The following PHLDB3 variants were observed in gnomAD, a reference collection of about 807,000 sequenced individuals.
The protein encoded by PHLDB3 is pleckstrin homology-like domain family B member 3.
In PHLDB3, 86 loss-of-function variants were observed where a neutral mutation model predicts 85.7. That is an observed-to-expected ratio of 1.00 (90% CI 0.84 to 1.20). The LOEUF (loss-of-function observed/expected upper bound fraction) is 1.20, where lower values mean the gene tolerates loss of function less well. PHLDB3 is among the 50% of genes most tolerant of loss of function. The pLI, the probability that PHLDB3 is intolerant of heterozygous loss-of-function variation, is 0.00. For synonymous variants in PHLDB3, 376 were observed against 349.8 expected (o/e 1.07, Z -0.83); for missense variants, 995 against 873.0 (o/e 1.14, Z -1.76).
chr19:43,479,286 T>G, intron 14 of PHLDB3, 91 bp downstream of exon 14: 2 of 1,315,314 alleles, frequency 1.5e-6, no homozygotes, highest in South Asian at 1.3e-5. Context: ...ACATGGAAAG[T>G]GGGGGCCAGG....
At chr19:43,498,980 G>T (rs995457712) in intron 4 of PHLDB3, among the ~76,000 whole-genome samples, 2 of 152,106 alleles carry the variant, frequency 1.3e-5, no homozygotes, top group African/African-American at 2.4e-5. Context: ...CTCACGGGGG[G>T]TTTGGTCAAC....
intron 13 of PHLDB3, among the ~76,000 whole-genome samples, chr19:43,480,646 T>A (rs574572149): frequency 1.6e-4 from 25 of 152,290 alleles, no homozygotes; most frequent in Admixed American, 1.6e-3. Flanking sequence ...TGTGATGAAA[T>A]TAATGAATAT....
chr19:43,475,625 T>C (rs1970912236), intron 15 of PHLDB3, 81 bp from the exon 16 acceptor site: 5 of 1,565,202 alleles, frequency 3.2e-6, no homozygotes, highest in Non-Finnish European at 3.5e-6. Flanking sequence ...TTGCTACTTA[T>C]AGTCTGTGTG....
At chr19:43,483,558 C>T (rs1019362150) in intron 13 of PHLDB3, among the ~76,000 whole-genome samples, 2 of 152,090 alleles carry the variant, frequency 1.3e-5, no homozygotes, top group African/African-American at 2.4e-5. Context: ...AGATTATAGG[C>T]GTGAGCTATG....
intron 13 of PHLDB3, among the ~76,000 whole-genome samples, chr19:43,483,096 G>A (rs1180385080): frequency 6.6e-6 from 1 of 152,158 alleles, no homozygotes; most frequent in East Asian, 1.9e-4. Flanking sequence ...AAATGAATAA[G>A]GGAAGGACAA....
At position 43,497,258 on chromosome 19, in the gene PHLDB3, C is replaced by A; in HGVS notation, c.685G>T (p.Ala229Ser). Residue 229 changes from alanine to serine, a missense_variant, in exon 6 of 16, where the codon GCC becomes TCC. Coordinates refer to ENST00000292140, the MANE Select transcript of PHLDB3 (RefSeq NM_198850.4). ...TCCAGGTCCTCATAGGCACGTTGGG[C>A]CACATCCAGTTGTTCCCTCATCTAT... ...VQEMREQLDV[A>S]QRAYEDLEFQ... 1 of 1,488,366 alleles carries A rather than the reference C, an allele frequency of 6.7e-7. No homozygotes were observed. The highest frequency in any genetic ancestry group is 8.9e-7 in the Non-Finnish European group (1 of 1,121,378). 92.2% of individuals were successfully genotyped at this position (1,488,366 alleles called of 1,614,324 possible). A position where few individuals can be genotyped will look rare whatever the true frequency, so the allele number is the denominator to read the frequency against.
At chr19:43,501,652 G>A (rs74404102) in intron 4 of PHLDB3, 82 bp downstream of exon 4, 34,554 of 1,535,090 alleles carry the variant, frequency 0.023, 792 homozygotes, top group East Asian at 0.15. Context: ...GGACAACCCC[G>A]GGGCGCAGGT....
chr19:43,497,938 C>G, intron 4 of PHLDB3, 62 bp from the exon 5 acceptor site: 1 of 1,545,576 alleles, frequency 6.5e-7, no homozygotes, highest in Non-Finnish European at 8.7e-7. Flanking sequence ...AGCAGCCAGC[C>G]ATATCTCAGA....
chr19:43,482,446 G>A (rs1422842012), intron 13 of PHLDB3, among the ~76,000 whole-genome samples: 3 of 152,194 alleles, frequency 2.0e-5, no homozygotes, highest in African/African-American at 7.2e-5. Flanking sequence ...AGGGGTGTAC[G>A]GCAGGGGACA....
chr19:43,482,034 G>A (rs952197876), intron 13 of PHLDB3, among the ~76,000 whole-genome samples: 29 of 152,284 alleles, frequency 1.9e-4, no homozygotes, highest in Middle Eastern at 3.4e-3. Flanking sequence ...GGAAGCTCCC[G>A]CTCTGTGTCA....
chr19:43,503,587 G>A (rs1599968542), intron 2 of PHLDB3, among the ~76,000 whole-genome samples: 1 of 152,056 alleles, frequency 6.6e-6, no homozygotes, highest in African/African-American at 2.4e-5. Flanking sequence ...GATTACAGGC[G>A]TGAGCCACCT....
chr19:43,488,868 C>T (rs530755808), intron 9 of PHLDB3, among the ~76,000 whole-genome samples: 7 of 151,714 alleles, frequency 4.6e-5, no homozygotes, highest in African/African-American at 9.7e-5. Context: ...AGCACAATCT[C>T]GGCTCATTGC....
At chr19:43,500,410 G>A (rs1224768057) in intron 4 of PHLDB3, among the ~76,000 whole-genome samples, 5 of 152,046 alleles carry the variant, frequency 3.3e-5, no homozygotes, top group Admixed American at 1.3e-4. Context: ...ACAGGCATGC[G>A]ATCAGCCATG....
At position 43,487,574 on chromosome 19, in the gene PHLDB3, C is replaced by CAAAAAAAAAA. The variant is rs760708749; in HGVS notation, c.1150-461_1150-452dup. ...TGGGCGACAGAGCAAGACTCTGTCTCAAAAAAAAAAAAAAAAAACACAGAA... is the reference window on the plus strand; with the variant it reads ...TGGGCGACAGAGCAAGACTCTGTCTCAAAAAAAAAAAAAAAAAAAAAAAAAAAACACAGAA... On this transcript the variant is annotated intron_variant, in intron 9 of 15. Transcript: ENST00000292140. Among the ~76,000 whole-genome samples the CAAAAAAAAAA allele has an allele frequency of 1.0e-3, 40 of 38,494 alleles. 2 individuals carry two copies. The highest frequency in any genetic ancestry group is 1.8e-3 in the African/African-American group (18 of 10,018). The allele number at this position is 38,494 out of a possible 152,430, so 25.3% of individuals were successfully genotyped here.
At chr19:43,492,580 G>A (rs11671471) in intron 9 of PHLDB3, among the ~76,000 whole-genome samples, 17,169 of 147,268 alleles carry the variant, frequency 0.12, 990 homozygotes, top group African/African-American at 0.15. Context: ...GAGGCAGATC[G>A]TGTCACTGCA....
chr19:43,487,214 G>T, intron 9 of PHLDB3, 91 bp from the exon 10 acceptor site: 2 of 1,059,496 alleles, frequency 1.9e-6, no homozygotes, highest in Non-Finnish European at 2.8e-6. Context: ...CACCCAGTCA[G>T]CACAAATCAA....
chr19:43,503,965 G>A lies in PHLDB3; in HGVS notation c.154C>T (p.Gln52Ter). 6.2e-7 allele frequency: 1 copy of A among 1,613,938 alleles called. No individual in the cohort carries two copies. The highest frequency in any genetic ancestry group is 1.1e-5 in the South Asian group (1 of 91,086). The change falls in exon 2 of 16, where the codon CAG (glutamine) becomes TAG (stop). Residue 52 changes from glutamine (Q) to a stop codon, truncating the protein, a stop_gained. Transcript: ENST00000292140. LOFTEE classifies it high-confidence loss of function. Reference protein sequence around the residue: ...AEPSSRGGAEQQAEEEEVGEG... With the variant: ...AEPSSRGGAE ...CCCACTTCTTCTTCCTCTGCCTGCT[G>A]CTCAGCTCCCCCGCGGCTCGAAGGT... is the stretch of plus-strand genomic sequence containing the variant.
In PHLDB3 at chr19:43,486,885, A is replaced by G. The variant is rs368920351; in HGVS notation, c.1250-15T>C. On this transcript the variant is annotated splice_polypyrimidine_tract_variant and intron_variant, in intron 10 of 15. Transcript: ENST00000292140. The stretch of plus-strand genomic sequence containing the variant: ...CTCCAGGGATTCTAGGGTAGAGGGG[A>G]CCAGGTTACAGGGCTGGATACACCC... 1.0e-4 allele frequency: 153 copies of G among 1,535,224 alleles called. No individual in the cohort carries two copies. The highest frequency in any genetic ancestry group is 3.5e-4 in the Middle Eastern group (2 of 5,706).
intron 6 of PHLDB3, chr19:43,496,281 C>A (rs1045204307): frequency 6.6e-5 from 10 of 152,226 alleles, no homozygotes; most frequent in Admixed American, 2.6e-4. Context: ...TCCCAAAGTG[C>A]TGGGATTACA....
Sources: allele counts gnomAD v4.1 joint callset (sites outside exome capture counted in the v4.1 genomes callset), GRCh38; gene constraint gnomAD v4.1.1; transcripts MANE v1.5; gene names NCBI Gene and HGNC (gene_info 2026-07-23, HGNC 2026-07-21).